GRK5: variants seen among roughly 807,000 people sequenced by gnomAD.
GRK5 encodes G protein-coupled receptor kinase 5, also known as g protein-coupled receptor kinase GRK5.
Under a neutral mutation model 78.4 loss-of-function variants are expected in GRK5, and 40 were observed. The observed-to-expected ratio is 0.51, with a 90% CI of 0.40 to 0.66. The LOEUF is 0.66. Ranked by LOEUF, GRK5 falls within the 30% of genes least tolerant of loss-of-function variation. GRK5 has a pLI of 0.00. For missense variants in GRK5, 598 were observed against 759.9 expected (o/e 0.79, Z 2.50); for synonymous variants, 289 against 296.8 (o/e 0.97, Z 0.27).
intron 2 of GRK5, among the ~76,000 whole-genome samples, chr10:119,347,615 A>G (rs1589757592): frequency 6.6e-6 from 1 of 152,240 alleles, no homozygotes; most frequent in African/African-American, 2.4e-5. Context: ...CGGGACGGCA[A>G]TGGGGTGTTG....
In GRK5 at chr10:119,298,058, C is replaced by G. The variant is rs544697118; in HGVS notation, c.53-28458C>G. Among the ~76,000 whole-genome samples, 16 of 152,310 alleles carry G rather than the reference C, an allele frequency of 1.1e-4. No individual in the cohort carries two copies. In the South Asian group the frequency reaches 3.1e-3, roughly 30 times the overall value. On this transcript the variant is annotated intron_variant, in intron 1 of 15. Transcript: ENST00000392870. ...CCTGAAATATTGACAGCCCTGGACTCAGGCCTCAGCATTCTGGGGGAAGTG... is the reference window on the plus strand; with the variant it reads ...CCTGAAATATTGACAGCCCTGGACTGAGGCCTCAGCATTCTGGGGGAAGTG...
intron 4 of GRK5, among the ~76,000 whole-genome samples, chr10:119,401,843 G>T (rs1006636985): frequency 2.6e-5 from 4 of 152,196 alleles, no homozygotes; most frequent in Admixed American, 6.5e-5. Context: ...CAGTGAGCCA[G>T]TCAGGATGAT....
chr10:119,423,239 G>A lies in GRK5; in HGVS notation c.413G>A (p.Cys138Tyr), dbSNP rs1410887954. 1 of 1,614,032 alleles carries A rather than the reference G, an allele frequency of 6.2e-7. No homozygotes were observed. Among genetic ancestry groups the A allele is most frequent in the African/African-American group, 1.3e-5 (1 of 75,054 alleles). The change falls in exon 5 of 16, where the codon TGC becomes TAC. Residue 138 changes from cysteine (C) to tyrosine (Y), a missense_variant. Transcript: ENST00000392870. ...GAGGAGAAGCTCCTACAGAAGCCGT[G>A]CAAAGAACTCTTTTCTGCCTGTGCA... ...QTEEKLLQKP[C>Y]KELFSACAQS...
At chr10:119,283,534 G>A (rs1849797298) in intron 1 of GRK5, among the ~76,000 whole-genome samples, 1 of 152,238 alleles carries the variant, frequency 6.6e-6, no homozygotes, top group South Asian at 2.1e-4. Flanking sequence ...AGGAACGCCT[G>A]CCCGTGCCCG....
At chr10:119,290,359 A>AAAAAAAAAACAAAAC (rs1554903184) in intron 1 of GRK5, among the ~76,000 whole-genome samples, 69 of 142,550 alleles carry the variant, frequency 4.8e-4, no homozygotes, top group African/African-American at 1.8e-3. Flanking sequence ...AAAAAAAAAA[A>AAAAAAAAAACAAAAC]AAAACAAAAA....
chr10:119,392,766 A>ATC (rs372083115), intron 3 of GRK5, among the ~76,000 whole-genome samples: 1 of 151,768 alleles, frequency 6.6e-6, no homozygotes, highest in Admixed American at 6.6e-5. Flanking sequence ...GACAAGGCCC[A>ATC]TCTCTCTCTC....
intron 1 of GRK5, among the ~76,000 whole-genome samples, chr10:119,321,862 G>A (rs972667895): frequency 2.0e-5 from 3 of 151,988 alleles, no homozygotes; most frequent in African/African-American, 4.8e-5. Flanking sequence ...CTTTCCCACC[G>A]CCTCCAACCC....
intron 2 of GRK5, among the ~76,000 whole-genome samples, chr10:119,348,971 G>A (rs1421078351): frequency 6.6e-6 from 1 of 152,234 alleles, no homozygotes; most frequent in East Asian, 1.9e-4. Context: ...GCCAGCAGCA[G>A]GAGACATCTT....
At chr10:119,286,101 T>TGAATGTTTTACTTTC (rs1849843162) in intron 1 of GRK5, among the ~76,000 whole-genome samples, 1 of 148,834 alleles carries the variant, frequency 6.7e-6, no homozygotes, top group African/African-American at 2.5e-5. Flanking sequence ...CATTTTTATG[T>TGAATGTTTTACTTTC]ATTCTGTAGC....
chr10:119,228,859 A>C (rs1848783068), intron 1 of GRK5, among the ~76,000 whole-genome samples: 1 of 152,170 alleles, frequency 6.6e-6, no homozygotes, highest in Non-Finnish European at 1.5e-5. Flanking sequence ...TAAACATGCC[A>C]GGTCTTCTGA....
In GRK5 at chr10:119,458,867, G is replaced by C. The variant is rs943509404; in HGVS notation, c.*3800G>C. The C allele has an allele frequency of 6.6e-6, 1 of 152,094 alleles. No individual in the cohort carries two copies. The highest frequency in any genetic ancestry group is 1.5e-5 in the Non-Finnish European group (1 of 68,024). 9.4% of individuals were successfully genotyped at this position (152,094 alleles called of 1,614,324 possible). A position where few individuals can be genotyped will look rare whatever the true frequency, so the allele number is the denominator to read the frequency against. On this transcript the variant is annotated 3_prime_UTR_variant, in exon 16 of 16. Transcript: ENST00000392870. ...CTGCCCTCAAAACGGAGGGGGCACC[G>C]CAGCCTCCTTGAGCCTGGCATCCCA... is the stretch of plus-strand genomic sequence containing the variant.
At chr10:119,350,927 G>A (rs1252754974) in intron 2 of GRK5, among the ~76,000 whole-genome samples, 1 of 152,200 alleles carries the variant, frequency 6.6e-6, no homozygotes, top group Non-Finnish European at 1.5e-5. Context: ...GGCTGTGGGA[G>A]AATGTTTGCC....
chr10:119,329,766 C>T (rs1215861071), intron 2 of GRK5, among the ~76,000 whole-genome samples: 1 of 152,032 alleles, frequency 6.6e-6, no homozygotes, highest in Non-Finnish European at 1.5e-5. Context: ...AACCTCCTTC[C>T]CCCTGCAGAA....
intron 1 of GRK5, among the ~76,000 whole-genome samples, chr10:119,249,658 C>T (rs1434421550): frequency 6.6e-6 from 1 of 152,050 alleles, no homozygotes; most frequent in Non-Finnish European, 1.5e-5. Context: ...CCACCATGCC[C>T]ATCTAATTTT....
chr10:119,273,219 A>G (rs1203806205), intron 1 of GRK5, among the ~76,000 whole-genome samples: 1 of 152,102 alleles, frequency 6.6e-6, no homozygotes, highest in Non-Finnish European at 1.5e-5. Context: ...CGGCAGCTCC[A>G]CTGTAGGCAT....
In GRK5 at chr10:119,238,465, A is replaced by C. The variant is rs547376570; in HGVS notation, c.52+30496A>C. Among the ~76,000 whole-genome samples the C allele has an allele frequency of 2.0e-5, 3 of 151,898 alleles. No homozygotes were observed. In the East Asian group the frequency reaches 5.8e-4, roughly 29 times the overall value. ...AGCCTTCTTTGTTCTGATACTACAC[A>C]CCCCACCCCTCAACCGCCTGAGAAA... is the stretch of plus-strand genomic sequence containing the variant. On this transcript the variant is annotated intron_variant, in intron 1 of 15. Transcript: ENST00000392870. The surrounding 1 kb of genome is among the most constrained non-coding windows in gnomAD (Gnocchi z 4.7).
chr10:119,347,268 C>T (rs373856699), intron 2 of GRK5, among the ~76,000 whole-genome samples: 2 of 151,216 alleles, frequency 1.3e-5, no homozygotes, highest in Non-Finnish European at 1.5e-5. Flanking sequence ...TGTATGTGTC[C>T]GTGTATGTTT....
chr10:119,280,499 G>A lies in GRK5; in HGVS notation c.53-46017G>A, dbSNP rs142060687. ...TGATGGCTCTGGTCAGCTGTCATTC[G>A]TCCTCCCATCTCTCAGCCTTTGTAG... On this transcript the variant is annotated intron_variant, in intron 1 of 15. Transcript: ENST00000392870. Among the ~76,000 whole-genome samples the A allele has an allele frequency of 6.4e-3, 967 of 152,228 alleles. 10 individuals are homozygous for A. The highest frequency in any genetic ancestry group is 0.022 in the African/African-American group (911 of 41,530).
At chr10:119,334,577 C>T (rs553395943) in intron 2 of GRK5, 3 of 152,188 alleles carry the variant, frequency 2.0e-5, no homozygotes, top group East Asian at 3.9e-4. Flanking sequence ...AATGTCATCA[C>T]GAAGATAAAA....
Sources: allele counts gnomAD v4.1 joint callset (sites outside exome capture counted in the v4.1 genomes callset), GRCh38; gene constraint gnomAD v4.1.1; non-coding constraint Gnocchi (gnomAD v3.1); transcripts MANE v1.5; gene names NCBI Gene and HGNC (gene_info 2026-07-23, HGNC 2026-07-21).